The following FAAP20 variants were observed in gnomAD, a reference collection of about 807,000 sequenced individuals.
FAAP20 encodes Fanconi anemia core complex-associated protein 20.
In FAAP20, 12 loss-of-function variants were observed where a neutral mutation model predicts 16.2. That is an observed-to-expected ratio of 0.74 (90% CI 0.48 to 1.20). FAAP20 has a LOEUF of 1.20. FAAP20 is among the 50% of genes most tolerant of loss of function. The pLI, the probability that FAAP20 is intolerant of heterozygous loss-of-function variation, is 0.00. For missense variants in FAAP20, 288 were observed against 245.8 expected (o/e 1.17, Z -1.15); for synonymous variants, 141 against 110.7 (o/e 1.27, Z -1.72).
downstream of FAAP20, among the ~76,000 whole-genome samples, chr1:2,209,710 G>T (rs564008871): frequency 6.6e-6 from 1 of 152,196 alleles, no homozygotes; most frequent in African/African-American, 2.4e-5. Flanking sequence ...TGCTGGTGGC[G>T]TTCGGCCACC....
downstream of FAAP20, chr1:2,185,457 C>T (rs866992583): frequency 2.8e-5 from 20 of 718,442 alleles, no homozygotes; most frequent in Middle Eastern, 9.2e-4. Context: ...GCAACCCACA[C>T]GTAGGGGGGC....
In FAAP20 at chr1:2,194,423, G is replaced by A. The variant is rs1231999273; in HGVS notation, c.62+265C>T. ...TGCGGAGGGCCTGGGGAAGGTAGAG[G>A]GTTAGATGGGGGGTGCTCAGGGGAG... On this transcript the variant is annotated intron_variant, in intron 1 of 3. Transcript: ENST00000378546. Among the ~76,000 whole-genome samples, 10 of 148,252 alleles carry A rather than the reference G, an allele frequency of 6.7e-5. No individual in the cohort carries two copies. The South Asian group carries it at 1.1e-3, about 16-fold the overall frequency.
chr1:2,201,367 G>A, upstream of FAAP20: 1 of 527,954 alleles, frequency 1.9e-6, no homozygotes, highest in Non-Finnish European at 2.6e-6. Context: ...GGAGCAAGAA[G>A]GCACCGCCGG....
rs2503701 is a variant in FAAP20, at chr1:2,189,679, C to T, written c.*30G>A. ...GGCGGGGGAGAGCGTGTCCGGGCGC[C>T]GCACTCTGCGCAGGGCTCTTGGATG... On this transcript the variant is annotated 3_prime_UTR_variant, in exon 4 of 4. Transcript: ENST00000378546. 0.63 allele frequency: 1,004,868 copies of T among 1,598,310 alleles called. 319,840 individuals carry two copies. The highest frequency in any genetic ancestry group is 0.86 in the East Asian group (38,632 of 44,712).
At chr1:2,191,802 G>A (rs985104170) in intron 3 of FAAP20, 6 of 979,486 alleles carry the variant, frequency 6.1e-6, no homozygotes, top group Non-Finnish European at 7.3e-6. Flanking sequence ...GAGACAAAAC[G>A]CAGCTCTGGC....
At chr1:2,207,467 T>A (rs1689304275), downstream of FAAP20, 2 of 152,214 alleles carry the variant, frequency 1.3e-5, no homozygotes, top group South Asian at 4.1e-4. Flanking sequence ...AGAGGAGCCG[T>A]GTGCTCCTGA....
At chr1:2,198,856 C>T (rs368549872), upstream of FAAP20, 88 of 1,289,764 alleles carry the variant, frequency 6.8e-5, 2 homozygotes, top group African/African-American at 1.1e-3. Context: ...CAGGCAGGCA[C>T]GCCCACCCAT....
upstream of FAAP20, chr1:2,198,192 A>G: frequency 7.9e-7 from 1 of 1,261,158 alleles, no homozygotes; most frequent in African/African-American, 1.5e-5. Context: ...CACAGTGGAA[A>G]TGAGTTTTTT....
chr1:2,185,272 G>A (rs1309327055), downstream of FAAP20: 1 of 716,600 alleles, frequency 1.4e-6, no homozygotes, highest in Non-Finnish European at 2.6e-6. Flanking sequence ...CCTGCCGAGG[G>A]GGCTGTCATG....
chr1:2,186,164 A>G (rs1687560982), downstream of FAAP20: 2 of 433,194 alleles, frequency 4.6e-6, no homozygotes, highest in Non-Finnish European at 9.4e-6. Context: ...AGGTGTGGAA[A>G]TTGCCACGCA....
chr1:2,186,500 C>CT (rs1237756628), downstream of FAAP20, among the ~76,000 whole-genome samples: 6 of 149,172 alleles, frequency 4.0e-5, 1 homozygote, highest in African/African-American at 1.5e-4. Context: ...ACACCCGCCC[C>CT]CCCCCGGCCA....
downstream of FAAP20, chr1:2,186,771 G>C (rs979529623): frequency 4.4e-5 from 7 of 157,712 alleles, no homozygotes; most frequent in African/African-American, 1.2e-4. Flanking sequence ...GTGTATCCCA[G>C]AAGTGGTTAA....
At chr1:2,198,170 G>A, upstream of FAAP20, 1 of 1,288,028 alleles carries the variant, frequency 7.8e-7, no homozygotes, top group Non-Finnish European at 1.0e-6. Flanking sequence ...TTCTGGTTGG[G>A]ACTGACACGT....
chr1:2,191,625 C>T (rs1365820217), intron 3 of FAAP20: 2 of 159,646 alleles, frequency 1.3e-5, no homozygotes. Context: ...CCTGTAATCC[C>T]AGCTACTCAG....
downstream of FAAP20, among the ~76,000 whole-genome samples, chr1:2,210,300 C>G (rs1169705804): frequency 6.6e-6 from 1 of 152,234 alleles, no homozygotes; most frequent in Non-Finnish European, 1.5e-5. Flanking sequence ...GCGATGTCGG[C>G]CAGTGGGACA....
chr1:2,185,076 A>C (rs977900784), downstream of FAAP20: 55 of 1,430,792 alleles, frequency 3.8e-5, no homozygotes, highest in Non-Finnish European at 4.7e-5. Flanking sequence ...ACCACCGCAT[A>C]TGCATGCCAG....
chr1:2,200,726 C>A, upstream of FAAP20: 1 of 989,640 alleles, frequency 1.0e-6, no homozygotes, highest in Non-Finnish European at 1.2e-6. Flanking sequence ...AACGCTGAGC[C>A]CAGCTGGGTG....
rs1385199818 is a variant in FAAP20, at chr1:2,194,055, C to A, written c.141G>T (p.Val47=). The part of the protein sequence containing the change: ...ERLWAELLRT[V]SPELILDHEV... ...CGTGATCCAGGATCAGCTCCGGGCTCACCGTGCGCAGTAGCTCGGCCCAGA... is the reference window on the plus strand; with the variant it reads ...CGTGATCCAGGATCAGCTCCGGGCTAACCGTGCGCAGTAGCTCGGCCCAGA... The change falls in exon 2 of 4, where the codon GTG becomes GTT. Residue 47 remains valine (V), a synonymous_variant. Coordinates refer to ENST00000378546, the MANE Select transcript of FAAP20 (RefSeq NM_182533.4). 1.9e-6 allele frequency: 3 copies of A among 1,612,560 alleles called. No individual in the cohort carries two copies. The highest frequency in any genetic ancestry group is 2.7e-5 in the African/African-American group (2 of 74,884).
intron 3 of FAAP20, chr1:2,192,360 C>T: frequency 1.0e-6 from 1 of 995,432 alleles, no homozygotes; most frequent in Non-Finnish European, 1.2e-6. Flanking sequence ...AAGGCCTGGA[C>T]CTGACTTCAT....
Sources: allele counts gnomAD v4.1 joint callset (sites outside exome capture counted in the v4.1 genomes callset), GRCh38; gene constraint gnomAD v4.1.1; transcripts MANE v1.5; gene names NCBI Gene and HGNC (gene_info 2026-07-23, HGNC 2026-07-21).